The following VWA3B variants were observed in gnomAD, a reference collection of about 807,000 sequenced individuals.
VWA3B encodes the protein von Willebrand factor A domain containing 3B.
VWA3B carries 138 observed loss-of-function variants against 158.3 expected under a neutral mutation model. That is an observed-to-expected ratio of 0.87 (90% CI 0.76 to 1.00). The LOEUF (loss-of-function observed/expected upper bound fraction) is 1.00, where lower values mean the gene tolerates loss of function less well. Ranked by LOEUF, VWA3B falls within the 50% of genes least tolerant of loss-of-function variation. The pLI, the probability that VWA3B is intolerant of heterozygous loss-of-function variation, is 0.00. For synonymous variants in VWA3B, 596 were observed against 587.3 expected (o/e 1.01, Z -0.21); for missense variants, 1,555 against 1,565.1 (o/e 0.99, Z 0.11).
At position 98,119,723 on chromosome 2, in the gene VWA3B, C is replaced by T. The variant is rs1674808340; in HGVS notation, c.502C>T (p.Gln168Ter). ...LCREALTMVLQEQVAHITEFN... is the reference protein window; with the variant it reads ...LCREALTMVL ...CCGAGAGGCTCTAACAATGGTTCTCCAGGAGCAGGTGGCTCACATAACCGA... is the reference window on the plus strand; with the variant it reads ...CCGAGAGGCTCTAACAATGGTTCTCTAGGAGCAGGTGGCTCACATAACCGA... The change falls in exon 4 of 28, where the codon CAG becomes TAG. Residue 168 changes from glutamine (Q) to a stop codon, truncating the protein, a stop_gained. Transcript: ENST00000477737. LOFTEE classifies it high-confidence loss of function. The T allele has an allele frequency of 6.2e-7, 1 of 1,614,106 alleles. No homozygotes were observed. The highest frequency in any genetic ancestry group is 8.5e-7 in the Non-Finnish European group (1 of 1,180,014).
intron 4 of VWA3B, among the ~76,000 whole-genome samples, chr2:98,120,273 C>A (rs2104962373): frequency 6.6e-6 from 1 of 152,274 alleles, no homozygotes; most frequent in Non-Finnish European, 1.5e-5. Flanking sequence ...TTCTTGGATT[C>A]AAGAGAATTT....
At position 98,293,189 on chromosome 2, in the gene VWA3B, C is replaced by T. The variant is rs536890919; in HGVS notation, c.3157+2567C>T. ...CCATGTGCAATGCCTGAGGCCACAA[C>T]GGAAATTTTTTTAATGTGCAATTAG... On this transcript the variant is annotated intron_variant, in intron 23 of 27. Coordinates refer to ENST00000477737, the MANE Select transcript of VWA3B (RefSeq NM_144992.5). 3.9e-5 allele frequency among the ~76,000 whole-genome samples: 6 copies of T among 152,152 alleles called. No homozygotes were observed. In the South Asian group the frequency reaches 1.0e-3, roughly 26 times the overall value.
chr2:98,165,432 A>G (rs1207621325), intron 8 of VWA3B, among the ~76,000 whole-genome samples: 4 of 152,090 alleles, frequency 2.6e-5, no homozygotes, highest in East Asian at 3.9e-4. Flanking sequence ...TTTAATCCCT[A>G]TGGGATGACA....
chr2:98,139,316 C>T (rs1676547835), intron 7 of VWA3B, among the ~76,000 whole-genome samples: 2 of 152,362 alleles, frequency 1.3e-5, no homozygotes, highest in Admixed American at 1.3e-4. Context: ...CAGCCCAAGC[C>T]TCCCCGACGA....
At chr2:98,272,841 A>G (rs1688288144) in intron 22 of VWA3B, among the ~76,000 whole-genome samples, 2 of 152,234 alleles carry the variant, frequency 1.3e-5, no homozygotes, top group Non-Finnish European at 2.9e-5. Flanking sequence ...CAATGCCATT[A>G]TCACAGGAGT....
At chr2:98,135,412 T>C (rs1189853013) in intron 7 of VWA3B, among the ~76,000 whole-genome samples, 6 of 130,654 alleles carry the variant, frequency 4.6e-5, no homozygotes, top group Non-Finnish European at 9.5e-5. Context: ...CTCGGCTCAC[T>C]GCAAGCTCCG....
intron 2 of VWA3B, among the ~76,000 whole-genome samples, chr2:98,104,200 G>C (rs1214496303): frequency 6.6e-6 from 1 of 152,188 alleles, no homozygotes; most frequent in Non-Finnish European, 1.5e-5. Context: ...AAATCAGTTA[G>C]TGTCTTTATC....
chr2:98,223,122 A>G (rs1054373215), intron 14 of VWA3B, among the ~76,000 whole-genome samples: 2 of 152,220 alleles, frequency 1.3e-5, no homozygotes, highest in African/African-American at 4.8e-5. Flanking sequence ...CAATCTCAGA[A>G]TATAAGTAGG....
the VWA3B span, among the ~76,000 whole-genome samples, chr2:98,326,433 T>C: frequency 3.3e-5 from 5 of 152,320 alleles, no homozygotes; most frequent in Non-Finnish European, 5.9e-5. Flanking sequence ...CAGGCCCAGA[T>C]GGTTTAGCTG....
chr2:98,151,323 G>A (rs988653790), intron 7 of VWA3B, among the ~76,000 whole-genome samples: 1 of 152,152 alleles, frequency 6.6e-6, no homozygotes, highest in Non-Finnish European at 1.5e-5. Context: ...TTTTGACCAG[G>A]CTGGTCTCTT....
intron 16 of VWA3B, among the ~76,000 whole-genome samples, chr2:98,232,374 T>C (rs1366746692): frequency 6.6e-6 from 1 of 152,226 alleles, no homozygotes; most frequent in Admixed American, 6.5e-5. Flanking sequence ...TTTGCCTTTT[T>C]TCTATCTAGC....
intron 2 of VWA3B, among the ~76,000 whole-genome samples, chr2:98,100,625 T>C (rs552721880): frequency 2.0e-5 from 3 of 152,284 alleles, no homozygotes; most frequent in Non-Finnish European, 2.9e-5. Context: ...CCAGGATAGA[T>C]CTAGAAGCTT....
chr2:98,227,632 G>A (rs960292945), intron 14 of VWA3B, among the ~76,000 whole-genome samples: 1 of 152,024 alleles, frequency 6.6e-6, no homozygotes, highest in African/African-American at 2.4e-5. Flanking sequence ...AATGAAGAAA[G>A]TCAGGAAAAA....
At chr2:98,213,910 G>C (rs575027700) in intron 13 of VWA3B, among the ~76,000 whole-genome samples, 17 of 152,256 alleles carry the variant, frequency 1.1e-4, no homozygotes, top group African/African-American at 3.9e-4. Flanking sequence ...AGAAAATGTG[G>C]TTGGGTGGGG....
At chr2:98,248,854 T>A (rs889416464) in intron 19 of VWA3B, among the ~76,000 whole-genome samples, 6 of 24,386 alleles carry the variant, frequency 2.5e-4, no homozygotes, top group African/African-American at 5.2e-4. Flanking sequence ...TTTCTTTCTT[T>A]CTTTCTTTCT....
chr2:98,301,280 A>T (rs1218268194), intron 25 of VWA3B, among the ~76,000 whole-genome samples: 1 of 151,734 alleles, frequency 6.6e-6, no homozygotes, highest in East Asian at 1.9e-4. Context: ...ACACAGCAAG[A>T]CTGTCTCAAA....
intron 9 of VWA3B, among the ~76,000 whole-genome samples, chr2:98,185,482 C>T (rs180957948): frequency 2.0e-5 from 3 of 152,344 alleles, no homozygotes; most frequent in East Asian, 3.9e-4. Flanking sequence ...TGTAAATTCA[C>T]GCCCACTAAT....
Position 98,121,471 on chromosome 2 carries a change from T to C in VWA3B, c.702+13T>C. On this transcript the variant is annotated intron_variant, in intron 5 of 27. Transcript: ENST00000477737. ...GAGAGACAAGACTGTAAGTGCGTGT[T>C]CATGGCTGGCCCCAGGCCATGGAGG... 1 of 1,610,408 alleles carries C rather than the reference T, an allele frequency of 6.2e-7. No homozygotes were observed. The highest frequency in any genetic ancestry group is 1.7e-5 in the Admixed American group (1 of 59,980).
At chr2:98,155,579 G>A (rs1295044382) in intron 7 of VWA3B, among the ~76,000 whole-genome samples, 1 of 152,172 alleles carries the variant, frequency 6.6e-6, no homozygotes, top group Non-Finnish European at 1.5e-5. Flanking sequence ...ATGTGGTAAC[G>A]TGTTTAAGTT....
Sources: allele counts gnomAD v4.1 joint callset (sites outside exome capture counted in the v4.1 genomes callset), GRCh38; gene constraint gnomAD v4.1.1; transcripts MANE v1.5; gene names NCBI Gene and HGNC (gene_info 2026-07-23, HGNC 2026-07-21).